The following MYH3 variants were observed in gnomAD, a reference collection of about 807,000 sequenced individuals.
MYH3 encodes the protein myosin heavy chain 3, also known as myosin-3.
Under a neutral mutation model 238.0 loss-of-function variants are expected in MYH3, and 130 were observed. That is an observed-to-expected ratio of 0.55 (90% CI 0.47 to 0.63). The LOEUF (loss-of-function observed/expected upper bound fraction) is 0.63, where lower values mean the gene tolerates loss of function less well. Ranked by LOEUF, MYH3 falls within the 30% of genes least tolerant of loss-of-function variation. The pLI is 0.00. For synonymous variants in MYH3, 880 were observed against 924.1 expected, an observed-to-expected ratio of 0.95 and a Z score of 0.86; for missense variants, 1,853 against 2,374.9, an observed-to-expected ratio of 0.78 and a Z score of 4.57.
chr17:10,637,528 T>C, intron 28 of MYH3, among the ~76,000 whole-genome samples: 1 of 152,172 alleles, frequency 6.6e-6, no homozygotes, highest in East Asian at 1.9e-4. Context: ...CTGATGCAAG[T>C]TTATATTAAT....
chr17:10,650,363 T>C lies in MYH3; in HGVS notation c.533+11A>G, dbSNP rs755490000. The C allele has an allele frequency of 6.2e-7, 1 of 1,609,988 alleles. No homozygotes were observed. Among genetic ancestry groups the C allele is most frequent in the Non-Finnish European group, 8.5e-7 (1 of 1,176,300 alleles). On this transcript the variant is annotated intron_variant, in intron 6 of 40. Coordinates refer to ENST00000583535, the MANE Select transcript of MYH3 (RefSeq NM_002470.4). ...ACAGCTATGAAACCACTCTATGCCA[T>C]GGATACTTACGTGATCAGAATGGAC... is the stretch of plus-strand genomic sequence containing the variant.
intron 40 of MYH3, among the ~76,000 whole-genome samples, chr17:10,629,359 T>C (rs1380094903): frequency 2.6e-5 from 4 of 152,132 alleles, no homozygotes; most frequent in Admixed American, 1.3e-4. Flanking sequence ...GGACATGATA[T>C]CATTCTTTTT....
intron 35 of MYH3, 37 bp from the exon 36 acceptor site, chr17:10,631,773 G>A (rs1156775418): frequency 6.2e-7 from 1 of 1,614,012 alleles, no homozygotes; most frequent in East Asian, 2.2e-5. Flanking sequence ...AGGTGCGTAT[G>A]AGGCTGGAAC....
At position 10,647,203 on chromosome 17, in the gene MYH3, T is replaced by C; in HGVS notation, c.877A>G (p.Asn293Asp). ...TCACCTATGAGCTCAGGCTTCTTGT[T>C]AGAAAGAATCTGGTAGAAGATGTGG... Reference protein sequence around the residue: ...SYHIFYQILSNKKPELIELLL... With the variant: ...SYHIFYQILSDKKPELIELLL... The change falls in exon 10 of 41, where the codon AAC (asparagine) becomes GAC (aspartate). Residue 293 changes from asparagine to aspartate, a missense_variant. Transcript: ENST00000583535. The C allele has an allele frequency of 6.2e-7, 1 of 1,614,196 alleles. No homozygotes were observed. The highest frequency in any genetic ancestry group is 8.5e-7 in the Non-Finnish European group (1 of 1,179,990).
intron 14 of MYH3, among the ~76,000 whole-genome samples, chr17:10,643,400 G>A (rs898719870): frequency 6.0e-5 from 9 of 149,184 alleles, no homozygotes; most frequent in South Asian, 2.1e-4. Flanking sequence ...TTTTTGAGAC[G>A]GAGTCTTGCT....
In MYH3 at chr17:10,634,116, A is replaced by C. The variant is rs2074191101; in HGVS notation, c.4423T>G (p.Ser1475Ala). The change falls in exon 32 of 41, where the codon TCC becomes GCC. Residue 1475 changes from serine to alanine, a missense_variant. By Grantham distance (99) the Ser-to-Ala change is moderately conservative. Coordinates refer to ENST00000583535, the MANE Select transcript of MYH3 (RefSeq NM_002470.4). Reference protein sequence around the residue: ...QAELEASLKESRSLSTELFKL... With the variant: ...QAELEASLKEARSLSTELFKL... ...AAGAGCTCAGTGCTCAAGGAGCGGG[A>C]CTCCTTCAGGGATGCCTCCAGCTCT... 6.2e-7 allele frequency: 1 copy of C among 1,613,724 alleles called. No individual in the cohort carries two copies. Among genetic ancestry groups the C allele is most frequent in the Non-Finnish European group, 8.5e-7 (1 of 1,179,870 alleles).
chr17:10,640,414 A>G lies in MYH3; in HGVS notation c.2345T>C (p.Leu782Pro). ...TTGTGTCCGGGTGATTAGTTTGGCCAGGCGGTCATCCCGCATCTCTTCCAG... is the reference window on the plus strand; with the variant it reads ...TTGTGTCCGGGTGATTAGTTTGGCCGGGCGGTCATCCCGCATCTCTTCCAG... ...GTLEEMRDDR[L>P]AKLITRTQAV... Residue 782 changes from leucine to proline, a missense_variant, in exon 21 of 41, where the codon CTG becomes CCG. By Grantham distance (98) the Leu-to-Pro change is moderately conservative. This residue lies in a region of MYH3 where 678 missense variants were observed against 1,058.9 expected (regional missense o/e 0.64). Coordinates refer to ENST00000583535, the MANE Select transcript of MYH3 (RefSeq NM_002470.4). 1 of 1,614,262 alleles carries G rather than the reference A, an allele frequency of 6.2e-7. No individual in the cohort carries two copies. Among genetic ancestry groups the G allele is most frequent in the Admixed American group, 1.7e-5 (1 of 60,032 alleles).
rs2074412519 is a variant in MYH3 at position 10,654,789 on chromosome 17, C to T, written c.204+72G>A. 1 of 1,416,702 alleles carries T rather than the reference C, an allele frequency of 7.1e-7. No individual in the cohort carries two copies. Among genetic ancestry groups the T allele is most frequent in the Non-Finnish European group, 1.0e-6 (1 of 1,000,114 alleles). The allele number at this position is 1,416,702 out of a possible 1,614,324, so 87.8% of individuals were successfully genotyped here. A position where few individuals can be genotyped will look rare whatever the true frequency, so the allele number is the denominator to read the frequency against. On this transcript the variant is annotated intron_variant, in intron 3 of 40. Coordinates refer to ENST00000583535, the MANE Select transcript of MYH3 (RefSeq NM_002470.4). The surrounding 1 kb of genome is among the most constrained non-coding windows in gnomAD (Gnocchi z 4.5). ...ACATCTGGAAGTGGCTGGGGTTGGG[C>T]AGATGCATACCCCAGGCAAGCACAA...
At chr17:10,629,451 G>A (rs1225127741) in intron 40 of MYH3, 146 bp downstream of exon 40, 1 of 972,370 alleles carries the variant, frequency 1.0e-6, no homozygotes, top group Non-Finnish European at 1.5e-6. Context: ...TCTAGCGAGG[G>A]TCCAGTCAGC....
the MYH3 span, chr17:10,674,119 A>T: frequency 6.5e-6 from 1 of 152,846 alleles, no homozygotes. Flanking sequence ...ATCTTGTTAA[A>T]ATACAGACTG....
intron 31 of MYH3, 64 bp from the exon 32 acceptor site, chr17:10,634,246 T>C (rs1226781020): frequency 1.1e-5 from 17 of 1,576,942 alleles, no homozygotes; most frequent in Non-Finnish European, 1.5e-5. Flanking sequence ...AACAAAATAC[T>C]AAATAACTAA....
intron 2 of MYH3, 121 bp from the exon 3 acceptor site, chr17:10,655,193 C>A (rs1027909002): frequency 3.2e-5 from 26 of 800,018 alleles, no homozygotes; most frequent in Non-Finnish European, 4.8e-5. Context: ...GAGTCAGGGC[C>A]CCAGGAACCA....
intron 1 of MYH3, among the ~76,000 whole-genome samples, chr17:10,656,870 G>A (rs1199190339): frequency 6.6e-6 from 1 of 152,232 alleles, no homozygotes; most frequent in Non-Finnish European, 1.5e-5. Flanking sequence ...ACACCTGGCA[G>A]ATGTACAGCC....
At position 10,644,331 on chromosome 17, in the gene MYH3, T is replaced by G. The variant is rs752291479; in HGVS notation, c.1410+20A>C. 6.2e-7 allele frequency: 1 copy of G among 1,610,470 alleles called. No individual in the cohort carries two copies. Among genetic ancestry groups the G allele is most frequent in the Non-Finnish European group, 8.5e-7 (1 of 1,176,782 alleles). ...CCTCATATGAAGCCATATGAAAATA[T>G]GAATATAAGTAACACAAACCTCAAA... is the stretch of plus-strand genomic sequence containing the variant. On this transcript the variant is annotated intron_variant, in intron 14 of 40. Coordinates refer to ENST00000583535, the MANE Select transcript of MYH3 (RefSeq NM_002470.4).
rs772332263 is a variant in MYH3 at position 10,641,265 on chromosome 17, C to T, written c.2047+20G>A. ...TTCTTAAAAACTGAGCACCACCTAG[C>T]GAGCCAGCAGGTGTCTCACCTGGAG... On this transcript the variant is annotated intron_variant, in intron 18 of 40. Coordinates refer to ENST00000583535, the MANE Select transcript of MYH3 (RefSeq NM_002470.4). The T allele has an allele frequency of 8.7e-6, 14 of 1,608,862 alleles. No individual in the cohort carries two copies. The highest frequency in any genetic ancestry group is 3.3e-5 in the South Asian group (3 of 90,962).
At position 10,644,567 on chromosome 17, in the gene MYH3, G is replaced by A. The variant is rs540311435; in HGVS notation, c.1260+17C>T. ...CCAGCAGGGTCCTGCACCCTTTCCCGGCCTTGAAGCTGTTACCTGATCCAC... is the reference window on the plus strand; with the variant it reads ...CCAGCAGGGTCCTGCACCCTTTCCCAGCCTTGAAGCTGTTACCTGATCCAC... On this transcript the variant is annotated intron_variant, in intron 13 of 40. Transcript: ENST00000583535. 167 of 1,613,312 alleles carry A rather than the reference G, an allele frequency of 1.0e-4. 2 individuals are homozygous for A. The South Asian group carries it at 1.2e-3, about 12-fold the overall frequency.
At chr17:10,629,570 G>A (rs775588285) in intron 40 of MYH3, 27 bp downstream of exon 40, 2 of 1,612,278 alleles carry the variant, frequency 1.2e-6, no homozygotes, top group South Asian at 2.2e-5. Context: ...TCCCTGGGGG[G>A]GGGCTCCTCC....
chr17:10,649,971 CTTTTATT>C lies in MYH3; in HGVS notation c.534-293_534-287del, dbSNP rs564048337. 3.0e-3 allele frequency among the ~76,000 whole-genome samples: 450 copies of C among 152,040 alleles called. 2 individuals carry two copies. The highest frequency in any genetic ancestry group is 0.01 in the Middle Eastern group (3 of 294). ...TTATTTTTTATTTATTTATTTTTCT[CTTTTATT>C]TTTTATTTTTTGAGACAGAATCTCA... On this transcript the variant is annotated intron_variant, in intron 6 of 40. Coordinates refer to ENST00000583535, the MANE Select transcript of MYH3 (RefSeq NM_002470.4).
chr17:10,673,462 A>G, the MYH3 span: 3 of 152,362 alleles, frequency 2.0e-5, no homozygotes, highest in South Asian at 4.1e-4. Flanking sequence ...TGAGCCATAC[A>G]AAGGCCTGCC....
Sources: gnomAD v4.1 joint callset for allele counts (sites outside exome capture counted in the v4.1 genomes callset) on GRCh38, gnomAD v4.1.1 for gene constraint, gnomAD v4.1.1 regional missense constraint, Gnocchi (gnomAD v3.1) non-coding constraint, MANE v1.5 for transcripts, NCBI Gene and HGNC (gene_info 2026-07-23, HGNC 2026-07-21) for gene names.